SFXN4: variants seen among roughly 807,000 people sequenced by gnomAD.
SFXN4 encodes sideroflexin 4.
In SFXN4, 48 loss-of-function variants were observed where a neutral mutation model predicts 54.6. The observed-to-expected ratio is 0.88, with a 90% confidence interval of 0.70 to 1.12. The LOEUF is 1.12. Among genes scored for constraint, SFXN4 ranks in the 50% most tolerant of loss-of-function variants. The pLI is 0.00. For synonymous variants in SFXN4, 130 were observed against 145.5 expected, an observed-to-expected ratio of 0.89 and a Z score of 0.77; for missense variants, 383 against 409.2, an observed-to-expected ratio of 0.94 and a Z score of 0.55.
chr10:119,155,050 C>T lies in SFXN4; in HGVS notation c.732+12G>A. 1 of 1,594,248 alleles carries T rather than the reference C, an allele frequency of 6.3e-7. No individual in the cohort carries two copies. The highest frequency in any genetic ancestry group is 1.7e-5 in the Admixed American group (1 of 59,982). On this transcript the variant is annotated intron_variant, in intron 11 of 13. Transcript: ENST00000355697. ...AAAAGGCAAGCAGCTATAGCTTCAT[C>T]CTGTCTCTTACCTTTGTCCCAGCAA... is the stretch of plus-strand genomic sequence containing the variant.
intron 11 of SFXN4, among the ~76,000 whole-genome samples, chr10:119,153,863 T>C (rs1028651041): frequency 6.6e-6 from 1 of 152,136 alleles, no homozygotes; most frequent in Non-Finnish European, 1.5e-5. Flanking sequence ...AGGGCACGTC[T>C]GCAATCAGCT....
rs1847232405 is a variant in SFXN4, at chr10:119,155,184, A to G, written c.617-7T>C. The stretch of plus-strand genomic sequence containing the variant: ...TTCATTCCACTGGCTTGCACTGTAG[A>G]TGTAAAGAAGTAAAGAACACCCAAG... On this transcript the variant is annotated splice_region_variant and splice_polypyrimidine_tract_variant and intron_variant, in intron 10 of 13. Coordinates refer to ENST00000355697, the MANE Select transcript of SFXN4 (RefSeq NM_213649.2). 3.1e-6 allele frequency: 5 copies of G among 1,597,166 alleles called. No homozygotes were observed. Among genetic ancestry groups the G allele is most frequent in the Non-Finnish European group, 4.3e-6 (5 of 1,164,732 alleles).
chr10:119,162,199 A>G (rs1847578923), intron 3 of SFXN4, 141 bp downstream of exon 3: 1 of 675,036 alleles, frequency 1.5e-6, no homozygotes. Context: ...AATAGCCAAT[A>G]GAACAGTGGC....
intron 5 of SFXN4, 86 bp from the exon 6 acceptor site, chr10:119,159,839 T>C: frequency 2.1e-6 from 3 of 1,404,522 alleles, no homozygotes; most frequent in Non-Finnish European, 3.0e-6. Flanking sequence ...CCTGAACACC[T>C]CTTCCCCAGC....
chr10:119,161,705 C>G (rs2133627089), intron 3 of SFXN4, among the ~76,000 whole-genome samples: 1 of 152,344 alleles, frequency 6.6e-6, no homozygotes, highest in East Asian at 1.9e-4. Context: ...CCTAACTTAT[C>G]CCTCAGATGA....
At chr10:119,146,704 G>A (rs191278553) in intron 12 of SFXN4, among the ~76,000 whole-genome samples, 5 of 152,224 alleles carry the variant, frequency 3.3e-5, no homozygotes, top group African/African-American at 1.2e-4. Context: ...GAGTAGCTGG[G>A]ATTATAGGCG....
chr10:119,162,760 A>G (rs1271140448), intron 2 of SFXN4, among the ~76,000 whole-genome samples: 1 of 149,220 alleles, frequency 6.7e-6, no homozygotes, highest in Non-Finnish European at 1.5e-5. Flanking sequence ...ATGTCTTATC[A>G]GTTCAGTCTT....
chr10:119,160,168 G>A (rs573787730), intron 5 of SFXN4, among the ~76,000 whole-genome samples: 3 of 152,154 alleles, frequency 2.0e-5, no homozygotes, highest in Non-Finnish European at 4.4e-5. Flanking sequence ...AACAGAGCGA[G>A]ACCCTGTCTC....
intron 1 of SFXN4, 86 bp from the exon 2 acceptor site, chr10:119,164,282 T>TTTTC: frequency 1.2e-6 from 1 of 845,084 alleles, no homozygotes; most frequent in Non-Finnish European, 1.9e-6. Context: ...TTTTTTTTTT[T>TTTTC]TCTGAGAACC....
rs191853257 is a variant in SFXN4, at chr10:119,153,154, C to T, written c.732+1908G>A. On this transcript the variant is annotated intron_variant, in intron 11 of 13. Coordinates refer to ENST00000355697, the MANE Select transcript of SFXN4 (RefSeq NM_213649.2). Reference sequence around the variant, plus strand: ...GGCCAGGCCCAGTGGCTCACCCCTGCAATCCCAGCACTTTGGGAGGCCAAG... The same window carrying T: ...GGCCAGGCCCAGTGGCTCACCCCTGTAATCCCAGCACTTTGGGAGGCCAAG... 5.3e-3 allele frequency among the ~76,000 whole-genome samples: 803 copies of T among 152,196 alleles called. 9 individuals carry two copies. The highest frequency in any genetic ancestry group is 0.018 in the African/African-American group (761 of 41,540).
At chr10:119,143,303 A>G (rs1333859671) in intron 13 of SFXN4, among the ~76,000 whole-genome samples, 1 of 151,742 alleles carries the variant, frequency 6.6e-6, no homozygotes, top group Non-Finnish European at 1.5e-5. Flanking sequence ...TCCTGGGCTC[A>G]AGTGATCCTC....
intron 13 of SFXN4, among the ~76,000 whole-genome samples, chr10:119,145,264 G>T (rs1003736675): frequency 4.0e-5 from 6 of 150,586 alleles, no homozygotes; most frequent in Non-Finnish European, 8.8e-5. Flanking sequence ...CACTGAAACT[G>T]ATGACTCACC....
Position 119,159,396 on chromosome 10 carries a change from T to C in SFXN4, c.360+332A>G, listed in dbSNP as rs145519956. ...GGGGCTGTGTCAGAGGAGGACTTGG[T>C]GGCCAGGGGTTTGTGCAGGGAGCTC... On this transcript the variant is annotated intron_variant, in intron 6 of 13. Transcript: ENST00000355697. 6.5e-3 allele frequency among the ~76,000 whole-genome samples: 988 copies of C among 152,278 alleles called. 19 individuals carry two copies. The highest frequency in any genetic ancestry group is 0.023 in the African/African-American group (940 of 41,536).
chr10:119,163,447 G>A (rs983181885), intron 2 of SFXN4, among the ~76,000 whole-genome samples: 3 of 152,074 alleles, frequency 2.0e-5, no homozygotes, highest in Non-Finnish European at 4.4e-5. Context: ...ACGCAGGCTG[G>A]AGTGCAGTGG....
At chr10:119,165,272 TGCGCGGAC>T in intron 1 of SFXN4, 1 of 1,190,676 alleles carries the variant, frequency 8.4e-7, no homozygotes, top group Non-Finnish European at 1.0e-6. Context: ...AGCAGCCACC[TGCGCGGAC>T]TGGGCCCCTC....
chr10:119,161,384 G>C (rs1298845088), intron 3 of SFXN4, among the ~76,000 whole-genome samples: 1 of 148,866 alleles, frequency 6.7e-6, no homozygotes, highest in Non-Finnish European at 1.5e-5. Flanking sequence ...GGAATTACAG[G>C]GTTAAGCCAT....
rs533262061 is a variant in SFXN4 at position 119,151,704 on chromosome 10, C to T, written c.732+3358G>A. On this transcript the variant is annotated intron_variant, in intron 11 of 13. Transcript: ENST00000355697. ...CTAATTTTGGTATTTTTAGTAGAGA[C>T]AGGGTTTCACCATGTTGGCCAGGCT... Among the ~76,000 whole-genome samples the T allele has an allele frequency of 6.6e-5, 10 of 151,656 alleles. No individual in the cohort carries two copies. In the South Asian group the frequency reaches 1.9e-3, roughly 29 times the overall value.
At chr10:119,157,521 T>G in intron 9 of SFXN4, 147 bp downstream of exon 9, 1 of 621,470 alleles carries the variant, frequency 1.6e-6, no homozygotes. Context: ...ATGATTATTT[T>G]GGGATAATAC....
intron 3 of SFXN4, among the ~76,000 whole-genome samples, chr10:119,161,955 A>G (rs1157147605): frequency 6.6e-6 from 1 of 152,234 alleles, no homozygotes; most frequent in Non-Finnish European, 1.5e-5. Flanking sequence ...GTTTGAGCCT[A>G]TCGGCAGGAA....
Sources: allele counts gnomAD v4.1 joint callset (sites outside exome capture counted in the v4.1 genomes callset), GRCh38; gene constraint gnomAD v4.1.1; transcripts MANE v1.5; gene names NCBI Gene and HGNC (gene_info 2026-07-23, HGNC 2026-07-21).